BCL2L14: variants seen among roughly 807,000 people sequenced by gnomAD.
The protein encoded by BCL2L14 is apoptosis facilitator Bcl-2-like protein 14.
In BCL2L14, 27 loss-of-function variants were observed where a neutral mutation model predicts 35.3. The observed-to-expected ratio is 0.76, with a 90% CI of 0.56 to 1.05. The LOEUF (loss-of-function observed/expected upper bound fraction) is 1.05. Ranked by LOEUF, BCL2L14 falls within the 50% of genes least tolerant of loss-of-function variation. The probability of loss-of-function intolerance (pLI) is 0.00; values close to 1 mark genes in which losing one functional copy is unlikely to be tolerated. For missense variants in BCL2L14, 377 were observed against 382.6 expected (o/e 0.99, Z 0.12); for synonymous variants, 139 against 145.9 (o/e 0.95, Z 0.34).
At chr12:12,082,942 T>C (rs1426284005) in intron 2 of BCL2L14, among the ~76,000 whole-genome samples, 1 of 152,110 alleles carries the variant, frequency 6.6e-6, no homozygotes, top group Non-Finnish European at 1.5e-5. Flanking sequence ...GCAAATTTGG[T>C]TTCTCCTGGG....
intron 3 of BCL2L14, among the ~76,000 whole-genome samples, chr12:12,089,295 G>A (rs1009021041): frequency 2.0e-5 from 3 of 152,018 alleles, no homozygotes; most frequent in Non-Finnish European, 2.9e-5. Flanking sequence ...CTTCAACTGG[G>A]GAGGCTGAGG....
At chr12:12,092,209 G>A (rs1483701713) in intron 4 of BCL2L14, among the ~76,000 whole-genome samples, 3 of 152,212 alleles carry the variant, frequency 2.0e-5, no homozygotes, top group Non-Finnish European at 4.4e-5. Flanking sequence ...GGGTGCTGGA[G>A]GTGGGACGAA....
intron 5 of BCL2L14, chr12:12,096,247 T>G (rs1262908809): frequency 2.4e-6 from 2 of 836,018 alleles, no homozygotes; most frequent in Non-Finnish European, 2.9e-6. Context: ...CTCAGAGAAA[T>G]TATAATTATC....
upstream of BCL2L14, among the ~76,000 whole-genome samples, chr12:12,069,049 C>T (rs937859896): frequency 2.6e-5 from 4 of 152,140 alleles, no homozygotes; most frequent in African/African-American, 7.2e-5. Flanking sequence ...CTGGTAGGAG[C>T]GAGTGTCTTT....
chr12:12,089,521 C>T (rs11054680), intron 3 of BCL2L14, among the ~76,000 whole-genome samples: 13,392 of 152,090 alleles, frequency 0.088, 820 homozygotes, highest in Non-Finnish European at 0.12. Context: ...CATAGCAAAA[C>T]CCTATCTCTA....
chr12:12,071,077 G>C lies in BCL2L14; in HGVS notation c.-68G>C, dbSNP rs1404642314. ...TTTCGTGGAGAGAGACTCAGGTATAGAAATATCCTTACTGCCACCTGACCT... is the reference window on the plus strand; with the variant it reads ...TTTCGTGGAGAGAGACTCAGGTATACAAATATCCTTACTGCCACCTGACCT... On this transcript the variant is annotated 5_prime_UTR_variant, in exon 1 of 6. Transcript: ENST00000308721. 2 of 152,180 alleles carry C rather than the reference G, an allele frequency of 1.3e-5. No individual in the cohort carries two copies. The highest frequency in any genetic ancestry group is 2.9e-5 in the Non-Finnish European group (2 of 68,046). 9.4% of individuals were successfully genotyped at this position (152,180 alleles called of 1,614,324 possible).
chr12:12,073,637 T>C (rs978322322), intron 1 of BCL2L14, among the ~76,000 whole-genome samples: 13 of 152,168 alleles, frequency 8.5e-5, no homozygotes, highest in Admixed American at 7.9e-4. Context: ...CCTCGTGTTA[T>C]ATTAAAAAGG....
intron 5 of BCL2L14, chr12:12,096,020 T>C: frequency 1.0e-6 from 1 of 985,330 alleles, no homozygotes; most frequent in East Asian, 1.1e-4. Flanking sequence ...GTTCTACCTA[T>C]TCTTCTTTCC....
intron 2 of BCL2L14, among the ~76,000 whole-genome samples, chr12:12,057,480 G>T (rs990438945): frequency 1.3e-5 from 2 of 152,096 alleles, no homozygotes; most frequent in African/African-American, 4.8e-5. Flanking sequence ...GAAGAGAGCC[G>T]GGCTCGGTGG....
At chr12:12,071,641 G>C (rs546377954) in intron 1 of BCL2L14, 1 of 152,114 alleles carries the variant, frequency 6.6e-6, no homozygotes, top group South Asian at 2.1e-4. Context: ...AGAATTCCTT[G>C]AGTCTAAGGC....
At chr12:12,092,011 C>T (rs553613625) in intron 4 of BCL2L14, among the ~76,000 whole-genome samples, 44 of 152,262 alleles carry the variant, frequency 2.9e-4, no homozygotes, top group African/African-American at 6.7e-4. Context: ...CTTCCTGTCA[C>T]GGGAAGAATT....
chr12:12,055,405 C>A (rs1948416660), intron 2 of BCL2L14: 1 of 152,202 alleles, frequency 6.6e-6, no homozygotes. Flanking sequence ...TCCAGGAACA[C>A]AAGAAACTCA....
At chr12:12,060,544 C>T (rs1362992919) in intron 2 of BCL2L14, among the ~76,000 whole-genome samples, 2 of 91,944 alleles carry the variant, frequency 2.2e-5, no homozygotes, top group South Asian at 4.4e-4. Flanking sequence ...AAAAAAGTTG[C>T]AATTCCTTGC....
intron 1 of BCL2L14, among the ~76,000 whole-genome samples, chr12:12,076,146 CCGGAAAA>C (rs1948776167): frequency 1.0e-5 from 1 of 96,362 alleles, no homozygotes; most frequent in African/African-American, 4.4e-5. Context: ...GGTGGGATGC[CCGGAAAA>C]TGCATGGGGG....
At chr12:12,078,048 G>T (rs1275223799) in intron 1 of BCL2L14, 2 of 389,608 alleles carry the variant, frequency 5.1e-6, no homozygotes, top group South Asian at 3.8e-5. Flanking sequence ...TGGAAATAAA[G>T]AAGAAATGCT....
In BCL2L14 at chr12:12,053,374, C is replaced by T. The variant is rs1442715761; in HGVS notation, c.-272+1527C>T. ...AGGGCTGAACTCAGCTCAGGGGACA[C>T]AATCTATACCAGGACAAGGTTACAA... is the stretch of plus-strand genomic sequence containing the variant. On this transcript the variant is annotated intron_variant, in intron 2 of 3. Transcript: ENST00000461264. Among the ~76,000 whole-genome samples the T allele has an allele frequency of 7.2e-5, 11 of 151,908 alleles. 1 individual carries two copies. In the South Asian group the frequency reaches 2.3e-3, roughly 32 times the overall value.
chr12:12,064,989 C>A lies in BCL2L14; in HGVS notation c.-271-12717C>A, dbSNP rs564179226. Among the ~76,000 whole-genome samples the A allele has an allele frequency of 2.0e-5, 3 of 152,302 alleles. No homozygotes were observed. In the South Asian group the frequency reaches 6.2e-4, roughly 32 times the overall value. ...TCTATTATTTTGTCTTCACTCAAACCACAGATAAGAGGATCTTCCTACAGG... is the reference window on the plus strand; with the variant it reads ...TCTATTATTTTGTCTTCACTCAAACAACAGATAAGAGGATCTTCCTACAGG... On this transcript the variant is annotated intron_variant, in intron 2 of 3. Transcript: ENST00000461264.
At chr12:12,098,339 A>G (rs957232490) in intron 5 of BCL2L14, among the ~76,000 whole-genome samples, 2 of 152,214 alleles carry the variant, frequency 1.3e-5, no homozygotes, top group African/African-American at 4.8e-5. Context: ...AGTACATCTC[A>G]TCTTCCCAAC....
At chr12:12,071,246 G>A (rs1293717649) in intron 1 of BCL2L14, 109 bp downstream of exon 1, 1 of 152,056 alleles carries the variant, frequency 6.6e-6, no homozygotes, top group Non-Finnish European at 1.5e-5. Context: ...CTCTTTACTG[G>A]GTTTATTACA....
Sources: allele counts gnomAD v4.1 joint callset (sites outside exome capture counted in the v4.1 genomes callset), GRCh38; gene constraint gnomAD v4.1.1; transcripts MANE v1.5; gene names NCBI Gene and HGNC (gene_info 2026-07-23, HGNC 2026-07-21).